ASH1L: variants seen among roughly 807,000 people sequenced by gnomAD.
ASH1L encodes the protein ASH1 like histone lysine methyltransferase, also known as histone-lysine N-methyltransferase ASH1L.
ASH1L carries 23 observed loss-of-function variants against 269.0 expected under a neutral mutation model. The ratio of observed to expected loss-of-function variants is 0.09; its 90% CI spans 0.06 to 0.12. The LOEUF (loss-of-function observed/expected upper bound fraction) is 0.12. Ranked by LOEUF, ASH1L falls within the 10% of genes least tolerant of loss-of-function variation. The pLI, the probability that ASH1L is intolerant of heterozygous loss-of-function variation, is 1.00. For missense variants in ASH1L, 2,912 were observed against 3,567.8 expected, an observed-to-expected ratio of 0.82 and a Z score of 4.68; for synonymous variants, 1,187 against 1,253.5, an observed-to-expected ratio of 0.95 and a Z score of 1.12.
At chr1:155,473,845 A>AT (rs1043359463) in intron 3 of ASH1L, among the ~76,000 whole-genome samples, 5 of 150,786 alleles carry the variant, frequency 3.3e-5, no homozygotes, top group South Asian at 2.1e-4. Flanking sequence ...ATATACATAT[A>AT]TTTTTTTTGA....
At chr1:155,375,630 T>C (rs1354144010) in intron 10 of ASH1L, among the ~76,000 whole-genome samples, 1 of 151,924 alleles carries the variant, frequency 6.6e-6, no homozygotes, top group Non-Finnish European at 1.5e-5. Flanking sequence ...CTACTAAAAA[T>C]ACAAAAATTA....
chr1:155,399,311 T>C (rs561880396), intron 6 of ASH1L, among the ~76,000 whole-genome samples: 5 of 152,302 alleles, frequency 3.3e-5, no homozygotes, highest in African/African-American at 9.6e-5. Flanking sequence ...TGTATGTAGA[T>C]ATCTAGATTA....
intron 2 of ASH1L, among the ~76,000 whole-genome samples, chr1:155,508,035 GAA>G (rs1667927353): frequency 6.8e-6 from 1 of 147,546 alleles, no homozygotes; most frequent in Admixed American, 6.8e-5. Flanking sequence ...CATACTAAAT[GAA>G]CTACAATCAC....
chr1:155,388,937 G>A (rs940672723), intron 7 of ASH1L, among the ~76,000 whole-genome samples: 5 of 150,300 alleles, frequency 3.3e-5, no homozygotes, highest in African/African-American at 4.9e-5. Context: ...TCAAACTCCT[G>A]GCCTCAAGCG....
intron 3 of ASH1L, among the ~76,000 whole-genome samples, chr1:155,461,924 G>A (rs1452215866): frequency 6.6e-6 from 1 of 150,844 alleles, no homozygotes; most frequent in Admixed American, 6.6e-5. Flanking sequence ...TCAGCCTCCT[G>A]AGTAGCTGGG....
chr1:155,431,162 G>C lies in ASH1L; in HGVS notation c.5828+7165C>G, dbSNP rs531607811. 5.9e-5 allele frequency among the ~76,000 whole-genome samples: 9 copies of C among 152,004 alleles called. No individual in the cohort carries two copies. The South Asian group carries it at 1.9e-3, about 32-fold the overall frequency. On this transcript the variant is annotated intron_variant, in intron 5 of 27. Coordinates refer to ENST00000392403, the MANE Select transcript of ASH1L (RefSeq NM_018489.3). ...AGAGGTGGAGGTTGCAGTGAGCCAA[G>C]CCATTGTACTCCAGCCTGGGCAACA...
chr1:155,458,532 T>C (rs1340472116), intron 4 of ASH1L, among the ~76,000 whole-genome samples: 1 of 152,202 alleles, frequency 6.6e-6, no homozygotes, highest in East Asian at 1.9e-4. Context: ...CTGGCCAACA[T>C]GGCGAATTTT....
At chr1:155,520,974 A>C (rs547284699) in intron 2 of ASH1L, 126 bp downstream of exon 2, 1 of 1,093,724 alleles carries the variant, frequency 9.1e-7, no homozygotes, top group Non-Finnish European at 1.3e-6. Context: ...TAAGGCTCAC[A>C]AAAACAAACT....
At chr1:155,376,173 G>A (rs1396223498) in intron 10 of ASH1L, among the ~76,000 whole-genome samples, 4 of 152,186 alleles carry the variant, frequency 2.6e-5, no homozygotes, top group African/African-American at 9.7e-5. Flanking sequence ...AAATATTTGT[G>A]AGTAAAGAAA....
chr1:155,555,078 G>C (rs376529310), intron 1 of ASH1L, among the ~76,000 whole-genome samples: 2 of 151,004 alleles, frequency 1.3e-5, no homozygotes, highest in African/African-American at 4.9e-5. Context: ...AGGAGGAAGA[G>C]GTGCAGTGAG....
At chr1:155,415,054 T>C (rs184524489) in intron 6 of ASH1L, among the ~76,000 whole-genome samples, 2 of 152,238 alleles carry the variant, frequency 1.3e-5, no homozygotes, top group Admixed American at 1.3e-4. Flanking sequence ...ATCATTTTAG[T>C]TACACAGAGC....
chr1:155,551,738 G>C (rs971014128), intron 1 of ASH1L, among the ~76,000 whole-genome samples: 31 of 148,344 alleles, frequency 2.1e-4, no homozygotes, highest in African/African-American at 7.7e-4. Context: ...GGGAGGCTAA[G>C]ACAGGTGGAT....
In ASH1L at chr1:155,341,791, T is replaced by C. The variant is rs1187215173; in HGVS notation, c.8460+145A>G. The C allele has an allele frequency of 3.7e-6, 3 of 817,424 alleles. No homozygotes were observed. In the African/African-American group the frequency reaches 5.1e-5, roughly 14 times the overall value. 50.6% of individuals were successfully genotyped at this position (817,424 alleles called of 1,614,324 possible). ...GAAATGTACTTATGCTGTTCAAATG[T>C]CCCAAATAGAGACAGAGATATCCAT... On this transcript the variant is annotated intron_variant, in intron 25 of 27. Transcript: ENST00000392403.
intron 6 of ASH1L, among the ~76,000 whole-genome samples, chr1:155,398,140 C>A (rs181484685): frequency 1.3e-5 from 2 of 152,230 alleles, no homozygotes; most frequent in Non-Finnish European, 2.9e-5. Flanking sequence ...AGGACTATAA[C>A]ATAGATGTAC....
At chr1:155,345,482 C>T (rs977665509) in intron 21 of ASH1L, among the ~76,000 whole-genome samples, 7 of 151,254 alleles carry the variant, frequency 4.6e-5, no homozygotes, top group Admixed American at 3.3e-4. Context: ...TGCGCCCGGC[C>T]GAGGATGGTC....
intron 5 of ASH1L, 50 bp downstream of exon 5, chr1:155,438,277 T>C (rs756787969): frequency 6.7e-7 from 1 of 1,491,446 alleles, no homozygotes; most frequent in Non-Finnish European, 8.9e-7. Flanking sequence ...CATTACAGTT[T>C]TTCAAAGCTA....
intron 2 of ASH1L, among the ~76,000 whole-genome samples, chr1:155,490,071 C>T (rs1666655255): frequency 2.0e-5 from 3 of 151,410 alleles, no homozygotes; most frequent in Non-Finnish European, 4.4e-5. Flanking sequence ...CAGGTTCACA[C>T]CACTCTCCTG....
intron 4 of ASH1L, among the ~76,000 whole-genome samples, chr1:155,447,095 A>G (rs1190838154): frequency 6.6e-6 from 1 of 152,220 alleles, no homozygotes; most frequent in Admixed American, 6.5e-5. Context: ...ATAATGCTGA[A>G]TAGAAGTAGT....
intron 7 of ASH1L, among the ~76,000 whole-genome samples, chr1:155,383,286 C>T (rs1402919901): frequency 2.6e-5 from 4 of 152,106 alleles, no homozygotes; most frequent in Non-Finnish European, 5.9e-5. Context: ...ATAAAATCTA[C>T]AGTAGTTTAA....
Sources: allele counts gnomAD v4.1 joint callset (sites outside exome capture counted in the v4.1 genomes callset), GRCh38; gene constraint gnomAD v4.1.1; transcripts MANE v1.5; gene names NCBI Gene and HGNC (gene_info 2026-07-23, HGNC 2026-07-21).